Variants in RPF2 observed in about 807,000 individuals in gnomAD.
RPF2 encodes the protein brix domain containing 1.
A neutral mutation model predicts 38.9 loss-of-function variants in RPF2; 21 were observed. The observed-to-expected ratio is 0.54, with a 90% CI of 0.38 to 0.78. The LOEUF is 0.78. Ranked by LOEUF, RPF2 falls within the 30% of genes least tolerant of loss-of-function variation. RPF2 has a pLI of 0.00. For synonymous variants in RPF2, 121 were observed against 126.2 expected, an observed-to-expected ratio of 0.96 and a Z score of 0.28; for missense variants, 314 against 358.1, an observed-to-expected ratio of 0.88 and a Z score of 0.99.
chr6:111,024,406 G>T (rs143243939), intron 9 of RPF2, 79 bp downstream of exon 9: 1 of 1,406,870 alleles, frequency 7.1e-7, no homozygotes, highest in Non-Finnish European at 9.6e-7. Context: ...AGAATTTGTG[G>T]CATATTATAT....
intron 7 of RPF2, among the ~76,000 whole-genome samples, chr6:111,012,585 G>A (rs1007888149): frequency 1.3e-5 from 2 of 152,160 alleles, no homozygotes; most frequent in African/African-American, 2.4e-5. Context: ...CTGGACAGGT[G>A]AGTAGCTTTT....
intron 2 of RPF2, among the ~76,000 whole-genome samples, chr6:110,986,622 A>G (rs1002144074): frequency 6.6e-6 from 1 of 152,232 alleles, no homozygotes; most frequent in African/African-American, 2.4e-5. Context: ...GTGTCTGGAC[A>G]TAGTAGGTAC....
chr6:110,985,300 G>T (rs539559847), intron 2 of RPF2, among the ~76,000 whole-genome samples, 162 bp downstream of exon 2: 2 of 152,268 alleles, frequency 1.3e-5, no homozygotes, highest in South Asian at 2.1e-4. Context: ...ACCTTGCGTG[G>T]CACCTTTTCT....
intron 8 of RPF2, among the ~76,000 whole-genome samples, chr6:111,017,673 C>T (rs1772150762): frequency 1.3e-5 from 2 of 148,172 alleles, no homozygotes; most frequent in African/African-American, 5.2e-5. Context: ...GGCAGAGACA[C>T]TCCTCACTTC....
intron 5 of RPF2, 70 bp from the exon 6 acceptor site, chr6:110,999,641 A>G (rs1771778926): frequency 1.1e-6 from 1 of 927,686 alleles, no homozygotes; most frequent in Non-Finnish European, 1.8e-6. Flanking sequence ...TTGAATACAC[A>G]GCTCTTGTGG....
At chr6:111,012,190 CAG>C (rs1360479522) in intron 7 of RPF2, among the ~76,000 whole-genome samples, 2 of 123,154 alleles carry the variant, frequency 1.6e-5, no homozygotes, top group African/African-American at 6.0e-5. Context: ...TTTTTTGAGA[CAG>C]GGTCTCACTC....
intron 8 of RPF2, among the ~76,000 whole-genome samples, chr6:111,021,240 G>C (rs554399383): frequency 2.0e-5 from 3 of 152,210 alleles, no homozygotes; most frequent in African/African-American, 7.2e-5. Flanking sequence ...CCAAAAATCT[G>C]ATTGCTAGAA....
chr6:110,995,420 C>G (rs1285316068), intron 4 of RPF2, among the ~76,000 whole-genome samples: 1 of 152,150 alleles, frequency 6.6e-6, no homozygotes. Flanking sequence ...ATCCCCCACT[C>G]TGGTTGTGGA....
chr6:110,991,707 A>T, intron 3 of RPF2, 40 bp from the exon 4 acceptor site: 1 of 750,666 alleles, frequency 1.3e-6, no homozygotes, highest in Non-Finnish European at 2.1e-6. Flanking sequence ...GTATATACTT[A>T]TTTAGATTAT....
intron 8 of RPF2, among the ~76,000 whole-genome samples, chr6:111,019,445 C>A (rs1419765025): frequency 6.6e-6 from 1 of 151,868 alleles, no homozygotes; most frequent in African/African-American, 2.4e-5. Context: ...CTGAAAAAAA[C>A]AAAACAAAAT....
chr6:110,995,898 G>T (rs1293743537), intron 4 of RPF2, among the ~76,000 whole-genome samples: 1 of 151,162 alleles, frequency 6.6e-6, no homozygotes, highest in Non-Finnish European at 1.5e-5. Context: ...ATGTAGCCTT[G>T]ATCTCCTGGT....
chr6:110,987,427 C>T (rs1167887948), intron 2 of RPF2, among the ~76,000 whole-genome samples: 1 of 152,150 alleles, frequency 6.6e-6, no homozygotes, highest in Non-Finnish European at 1.5e-5. Context: ...GTCTGAATGC[C>T]TTATATAGGC....
In RPF2 at chr6:111,022,961, C is replaced by T. The variant is rs1007450430; in HGVS notation, c.597-1222C>T. Reference sequence around the variant, plus strand: ...TCGCCCAGACTGGAGTGCAGTGGCGCGATCTCGGCTCACTGCAACCTCCGC... The same window carrying T: ...TCGCCCAGACTGGAGTGCAGTGGCGTGATCTCGGCTCACTGCAACCTCCGC... On this transcript the variant is annotated intron_variant, in intron 8 of 9. Coordinates refer to ENST00000441448, the MANE Select transcript of RPF2 (RefSeq NM_032194.3). Among the ~76,000 whole-genome samples the T allele has an allele frequency of 3.9e-5, 6 of 152,302 alleles. 1 individual carries two copies. The South Asian group carries it at 1.0e-3, about 26-fold the overall frequency.
At chr6:111,016,693 T>TC (rs1772119703) in intron 8 of RPF2, among the ~76,000 whole-genome samples, 2 of 149,458 alleles carry the variant, frequency 1.3e-5, no homozygotes, top group Non-Finnish European at 3.0e-5. Flanking sequence ...CTTTCTTTTT[T>TC]TTTTTTTTAA....
At chr6:111,009,752 C>T (rs1771980890) in intron 7 of RPF2, among the ~76,000 whole-genome samples, 1 of 152,096 alleles carries the variant, frequency 6.6e-6, no homozygotes, top group African/African-American at 2.4e-5. Context: ...TGGCTCATTG[C>T]AGCCTCAACC....
At chr6:111,011,606 C>G (rs1450917337) in intron 7 of RPF2, among the ~76,000 whole-genome samples, 1 of 152,044 alleles carries the variant, frequency 6.6e-6, no homozygotes, top group Non-Finnish European at 1.5e-5. Flanking sequence ...TTTTTCCAGC[C>G]AAAATGTCAG....
intron 6 of RPF2, among the ~76,000 whole-genome samples, chr6:111,004,541 G>A (rs1050584789): frequency 1.1e-4 from 16 of 147,790 alleles, no homozygotes; most frequent in African/African-American, 4.0e-4. Flanking sequence ...TATGTATTAA[G>A]TATTGGGGTT....
chr6:110,984,492 CA>C (rs1368963044), intron 1 of RPF2, among the ~76,000 whole-genome samples: 1 of 151,924 alleles, frequency 6.6e-6, no homozygotes, highest in African/African-American at 2.4e-5. Context: ...TAAAAGCTAT[CA>C]AAACACTTAT....
intron 8 of RPF2, among the ~76,000 whole-genome samples, chr6:111,018,075 T>TGGCGGCGCGCGCCTGCAGTCGC (rs1281974184): frequency 6.6e-6 from 1 of 151,794 alleles, no homozygotes; most frequent in Non-Finnish European, 1.5e-5. Flanking sequence ...CAGTCAGGCG[T>TGGCGGCGCGCGCCTGCAGTCGC]GGCGGCGCGC....
Sources: allele counts gnomAD v4.1 joint callset (sites outside exome capture counted in the v4.1 genomes callset), GRCh38; gene constraint gnomAD v4.1.1; transcripts MANE v1.5; gene names NCBI Gene and HGNC (gene_info 2026-07-23, HGNC 2026-07-21).